The following FRMD4A variants were observed in gnomAD, a reference collection of about 807,000 sequenced individuals.
FRMD4A encodes FERM domain-containing protein 4A.
In FRMD4A, 29 loss-of-function variants were observed where a neutral mutation model predicts 129.1. The ratio of observed to expected loss-of-function variants is 0.22; its 90% confidence interval spans 0.17 to 0.31. The LOEUF (loss-of-function observed/expected upper bound fraction) is 0.31. Among genes scored for constraint, FRMD4A ranks in the 10% least tolerant of loss-of-function variants. The pLI, the probability that FRMD4A is intolerant of heterozygous loss-of-function variation, is 1.00. For synonymous variants in FRMD4A, 634 were observed against 571.6 expected, an observed-to-expected ratio of 1.11 and a Z score of -1.56; for missense variants, 1,272 against 1,375.8, an observed-to-expected ratio of 0.92 and a Z score of 1.19.
At chr10:14,177,627 G>C (rs11258919) in intron 2 of FRMD4A, among the ~76,000 whole-genome samples, 6,787 of 152,218 alleles carry the variant, frequency 0.045, 340 homozygotes, top group East Asian at 0.22. Context: ...TAGAACAGAG[G>C]GGGGACTATG....
At chr10:13,866,426 T>C (rs929761750) in intron 2 of FRMD4A, 2 of 181,240 alleles carry the variant, frequency 1.1e-5, no homozygotes, top group Non-Finnish European at 2.1e-5. Flanking sequence ...GCACAAGTCA[T>C]TGTTGGTGCT....
chr10:14,324,835 A>G (rs1843206426), intron 2 of FRMD4A, among the ~76,000 whole-genome samples: 1 of 151,998 alleles, frequency 6.6e-6, no homozygotes, highest in African/African-American at 2.4e-5. Context: ...TAATTTTTGT[A>G]TTTTTAGTAG....
chr10:13,887,088 C>T (rs2094632129), intron 2 of FRMD4A, among the ~76,000 whole-genome samples: 1 of 152,312 alleles, frequency 6.6e-6, no homozygotes, highest in African/African-American at 2.4e-5. Context: ...GAAAACATCA[C>T]ACAGTGTAGA....
At chr10:13,807,876 G>A (rs926811489) in intron 4 of FRMD4A, among the ~76,000 whole-genome samples, 1 of 148,250 alleles carries the variant, frequency 6.7e-6, no homozygotes, top group African/African-American at 2.5e-5. Flanking sequence ...TCGGCTCACT[G>A]CAAACTCTGC....
chr10:14,266,158 G>A (rs1051438882), intron 2 of FRMD4A, among the ~76,000 whole-genome samples: 1 of 151,610 alleles, frequency 6.6e-6, no homozygotes, highest in Admixed American at 6.6e-5. Flanking sequence ...TCTTTGTCCT[G>A]GGGGTGGGAG....
chr10:13,765,693 G>T (rs1455114291), intron 6 of FRMD4A, among the ~76,000 whole-genome samples: 1 of 152,184 alleles, frequency 6.6e-6, no homozygotes, highest in South Asian at 2.1e-4. Context: ...ATTGATAGAG[G>T]CTGTCGGTGC....
At chr10:13,795,215 G>A (rs565091534) in intron 5 of FRMD4A, among the ~76,000 whole-genome samples, 1 of 152,228 alleles carries the variant, frequency 6.6e-6, no homozygotes, top group African/African-American at 2.4e-5. Flanking sequence ...CCCTCCCAGA[G>A]GAATTGTTAC....
chr10:14,196,011 A>G (rs1192810614), intron 2 of FRMD4A, among the ~76,000 whole-genome samples: 2 of 152,264 alleles, frequency 1.3e-5, no homozygotes, highest in African/African-American at 4.8e-5. Flanking sequence ...CAGTGGAGGC[A>G]GGACATGAAC....
At chr10:14,047,850 T>A (rs1834055196) in intron 2 of FRMD4A, among the ~76,000 whole-genome samples, 1 of 152,104 alleles carries the variant, frequency 6.6e-6, no homozygotes, top group South Asian at 2.1e-4. Flanking sequence ...GAGTCAGAAT[T>A]GTGTCATTGC....
intron 2 of FRMD4A, among the ~76,000 whole-genome samples, chr10:13,958,994 G>A (rs2095428706): frequency 6.6e-6 from 1 of 152,232 alleles, no homozygotes; most frequent in Non-Finnish European, 1.5e-5. Context: ...ATTGGACTAA[G>A]TTAACAATTT....
At chr10:14,220,833 TG>T (rs1843234448) in intron 2 of FRMD4A, among the ~76,000 whole-genome samples, 2 of 151,358 alleles carry the variant, frequency 1.3e-5, no homozygotes, top group African/African-American at 2.4e-5. Context: ...TGTGTGTGTG[TG>T]TGTGTTTACT....
At chr10:14,054,401 G>T (rs1834409022) in intron 2 of FRMD4A, among the ~76,000 whole-genome samples, 1 of 152,104 alleles carries the variant, frequency 6.6e-6, no homozygotes, top group Admixed American at 6.6e-5. Flanking sequence ...GCATGACTCT[G>T]TCCTAAGAGT....
chr10:13,706,788 G>C (rs1440522399), intron 13 of FRMD4A, among the ~76,000 whole-genome samples: 13 of 115,202 alleles, frequency 1.1e-4, no homozygotes, highest in South Asian at 3.1e-4. Context: ...ACGAGCCAGG[G>C]ACACATGTGG....
At chr10:13,671,015 C>T (rs61833213) in intron 16 of FRMD4A, among the ~76,000 whole-genome samples, 1 of 152,008 alleles carries the variant, frequency 6.6e-6, no homozygotes, top group Non-Finnish European at 1.5e-5. Flanking sequence ...TGGATTTTCA[C>T]AAGAGGAGTG....
intron 2 of FRMD4A, among the ~76,000 whole-genome samples, chr10:14,293,974 T>C (rs945691403): frequency 6.6e-6 from 1 of 152,170 alleles, no homozygotes; most frequent in Non-Finnish European, 1.5e-5. Context: ...ATTCCAGTTA[T>C]ATAGAGTTAG....
At chr10:14,089,664 G>T (rs1420961054) in intron 2 of FRMD4A, among the ~76,000 whole-genome samples, 1 of 122,554 alleles carries the variant, frequency 8.2e-6, no homozygotes, top group East Asian at 2.7e-4. Flanking sequence ...ACAGAAGAAA[G>T]AAATAAAAGA....
At chr10:14,278,221 C>T (rs1279002176) in intron 2 of FRMD4A, among the ~76,000 whole-genome samples, 2 of 152,122 alleles carry the variant, frequency 1.3e-5, no homozygotes, top group Non-Finnish European at 2.9e-5. Flanking sequence ...AACAGCCTGT[C>T]CTTGAAACTG....
intron 2 of FRMD4A, among the ~76,000 whole-genome samples, chr10:14,130,328 A>G (rs893808051): frequency 5.9e-5 from 9 of 152,118 alleles, no homozygotes; most frequent in Non-Finnish European, 1.0e-4. Context: ...TGGTGTGATC[A>G]TAGCTCACTG....
chr10:14,249,716 A>T (rs1026218768), intron 2 of FRMD4A, among the ~76,000 whole-genome samples: 1 of 152,262 alleles, frequency 6.6e-6, no homozygotes, highest in Non-Finnish European at 1.5e-5. Context: ...TAAGGGAAAA[A>T]ACTTGGAAAC....
Sources: allele counts gnomAD v4.1 joint callset (sites outside exome capture counted in the v4.1 genomes callset), GRCh38; gene constraint gnomAD v4.1.1; transcripts MANE v1.5; gene names NCBI Gene and HGNC (gene_info 2026-07-23, HGNC 2026-07-21).